TJP1: variants seen among roughly 807,000 people sequenced by gnomAD.
TJP1 encodes tight junction protein 1.
In TJP1, 43 loss-of-function variants were observed where a neutral mutation model predicts 194.2. The ratio of observed to expected loss-of-function variants is 0.22; its 90% confidence interval spans 0.17 to 0.29. The LOEUF is 0.29. TJP1 is among the 10% of genes least tolerant of loss of function. The pLI, the probability that TJP1 is intolerant of heterozygous loss-of-function variation, is 1.00. For synonymous variants in TJP1, 801 were observed against 779.0 expected (o/e 1.03, Z -0.47); for missense variants, 1,971 against 2,185.7 (o/e 0.90, Z 1.96).
chr15:29,813,315 G>T (rs989393024), intron 1 of TJP1, among the ~76,000 whole-genome samples: 1 of 152,144 alleles, frequency 6.6e-6, no homozygotes, highest in African/African-American at 2.4e-5. Flanking sequence ...TTGCTCAGCT[G>T]TTGGTACTCC....
Position 29,726,982 on chromosome 15 carries a change from C to T in TJP1, c.2110G>A (p.Ala704Thr). ...IKQIIDQDKH[A>T]LLDVTPNAVD... ...GCATTTGGTGTTACATCTAATAAAG[C>T]ATGTTTGTCCTAGAAACAGAAAGAA... The change falls in exon 17 of 28, where the codon GCT (alanine) becomes ACT (threonine). Residue 704 changes from alanine (A) to threonine (T), a missense_variant. Ala to Thr is a moderately conservative substitution (Grantham distance 58). Coordinates refer to ENST00000614355, the MANE Select transcript of TJP1 (RefSeq NM_001330239.4). The T allele has an allele frequency of 6.2e-7, 1 of 1,613,426 alleles. No individual in the cohort carries two copies. The highest frequency in any genetic ancestry group is 1.1e-5 in the South Asian group (1 of 90,966).
In TJP1 at chr15:29,717,949, G is replaced by C. The variant is rs577680993; in HGVS notation, c.3974+72C>G. The C allele has an allele frequency of 8.4e-6, 11 of 1,316,236 alleles. 1 individual carries two copies. The highest frequency in any genetic ancestry group is 3.7e-4 in the Middle Eastern group (2 of 5,346). 81.5% of individuals were successfully genotyped at this position (1,316,236 alleles called of 1,614,324 possible). A position where few individuals can be genotyped will look rare whatever the true frequency, so the allele number is the denominator to read the frequency against. On this transcript the variant is annotated intron_variant, in intron 22 of 27. Coordinates refer to ENST00000614355, the MANE Select transcript of TJP1 (RefSeq NM_001330239.4). Reference sequence around the variant, plus strand: ...CCTCTCCTCTACTAACACAGTAAAAGGTTTTCTTATTGACTAAGAGGGTTA... The same window carrying C: ...CCTCTCCTCTACTAACACAGTAAAACGTTTTCTTATTGACTAAGAGGGTTA...
rs940718615 is a variant in TJP1, at chr15:29,747,945, C to T, written c.1011-5164G>A. 1.7e-4 allele frequency among the ~76,000 whole-genome samples: 26 copies of T among 152,188 alleles called. 1 individual carries two copies. Among genetic ancestry groups the T allele is most frequent in the African/African-American group, 6.3e-4 (26 of 41,456 alleles). On this transcript the variant is annotated intron_variant, in intron 8 of 27. Coordinates refer to ENST00000614355, the MANE Select transcript of TJP1 (RefSeq NM_001330239.4). ...CAATTAGCCTTCCAAAACAACATTT[C>T]ACATAAATGGGACTCACACCATTCT... is the stretch of plus-strand genomic sequence containing the variant.
chr15:29,914,589 C>G (rs2152234021), intron 2 of TJP1, among the ~76,000 whole-genome samples: 1 of 152,254 alleles, frequency 6.6e-6, no homozygotes, highest in African/African-American at 2.4e-5. Flanking sequence ...AGGAGCAGCC[C>G]TGTGCAGAAA....
At chr15:29,944,125 C>T (rs189665864) in intron 2 of TJP1, among the ~76,000 whole-genome samples, 13 of 151,648 alleles carry the variant, frequency 8.6e-5, no homozygotes, top group African/African-American at 3.1e-4. Context: ...CAGAGTCTTG[C>T]TCAGTTGCCT....
At chr15:29,753,686 T>C (rs985742679) in intron 8 of TJP1, among the ~76,000 whole-genome samples, 4 of 151,960 alleles carry the variant, frequency 2.6e-5, no homozygotes, top group Non-Finnish European at 4.4e-5. Flanking sequence ...ACTATGCACA[T>C]TGGTCACGGT....
At chr15:29,721,655 G>C (rs2042935200) in intron 18 of TJP1, among the ~76,000 whole-genome samples, 1 of 152,198 alleles carries the variant, frequency 6.6e-6, no homozygotes, top group South Asian at 2.1e-4. Flanking sequence ...GTAATGGGCA[G>C]AGGTTGGAAC....
intron 16 of TJP1, among the ~76,000 whole-genome samples, chr15:29,727,365 CCAAAACAAAA>C (rs924328910): frequency 6.6e-6 from 1 of 151,974 alleles, no homozygotes; most frequent in Non-Finnish European, 1.5e-5. Context: ...CAAATACAAA[CCAAAACAAAA>C]CAAAACACCC....
chr15:29,739,946 A>C (rs1375048476), intron 10 of TJP1, among the ~76,000 whole-genome samples: 1 of 151,820 alleles, frequency 6.6e-6, no homozygotes, highest in African/African-American at 2.4e-5. Flanking sequence ...ACTTCTATCT[A>C]CCTAGCTGGG....
intron 8 of TJP1, chr15:29,759,142 C>T (rs889962202): frequency 2.0e-5 from 3 of 152,174 alleles, no homozygotes; most frequent in African/African-American, 4.8e-5. Context: ...ACTTCTCCCT[C>T]GCCTCTTCAC....
At chr15:29,794,520 C>T (rs1207965519) in intron 2 of TJP1, among the ~76,000 whole-genome samples, 1 of 152,140 alleles carries the variant, frequency 6.6e-6, no homozygotes, top group African/African-American at 2.4e-5. Flanking sequence ...TATGACACTT[C>T]TAACAAGGTC....
chr15:29,772,174 G>A lies in TJP1; in HGVS notation c.210-8C>T. 1 of 1,544,820 alleles carries A rather than the reference G, an allele frequency of 6.5e-7. No homozygotes were observed. Among genetic ancestry groups the A allele is most frequent in the Non-Finnish European group, 8.9e-7 (1 of 1,129,762 alleles). ...GCAACTCGGTCATTTTCCCTAAGGG[G>A]AAAAGGGCACAAAATAATATGTTAG... On this transcript the variant is annotated splice_polypyrimidine_tract_variant and splice_region_variant and intron_variant, in intron 3 of 27. Coordinates refer to ENST00000614355, the MANE Select transcript of TJP1 (RefSeq NM_001330239.4).
intron 2 of TJP1, among the ~76,000 whole-genome samples, chr15:29,874,103 A>T (rs1257277368): frequency 1.3e-5 from 2 of 152,144 alleles, no homozygotes; most frequent in African/African-American, 4.8e-5. Context: ...TATTCCATGT[A>T]CTTTTTCAGG....
chr15:29,822,405 A>C lies in TJP1; in HGVS notation c.-377T>G. On this transcript the variant is annotated 5_prime_UTR_variant, in exon 1 of 28. Transcript: ENST00000614355. ...GGCTTCGCCACGTAACTTCCCGGGA[A>C]CCGGCGGCCGCCAAGGAACGCGGCG... 1 of 994,618 alleles carries C rather than the reference A, an allele frequency of 1.0e-6. No individual in the cohort carries two copies. The highest frequency in any genetic ancestry group is 1.2e-6 in the Non-Finnish European group (1 of 836,182). 61.6% of individuals were successfully genotyped at this position (994,618 alleles called of 1,614,324 possible). A position where few individuals can be genotyped will look rare whatever the true frequency, so the allele number is the denominator to read the frequency against.
At chr15:29,886,183 T>G (rs1251339115) in intron 2 of TJP1, among the ~76,000 whole-genome samples, 1 of 152,222 alleles carries the variant, frequency 6.6e-6, no homozygotes, top group South Asian at 2.1e-4. Flanking sequence ...AACCACATTA[T>G]ATCAAAACAT....
intron 2 of TJP1, among the ~76,000 whole-genome samples, chr15:29,787,799 A>T (rs1381697054): frequency 6.6e-6 from 1 of 152,236 alleles, no homozygotes; most frequent in African/African-American, 2.4e-5. Flanking sequence ...ACTCATGTGT[A>T]ACTTATTATG....
At chr15:29,780,135 G>A (rs139838685) in intron 2 of TJP1, among the ~76,000 whole-genome samples, 3 of 152,250 alleles carry the variant, frequency 2.0e-5, no homozygotes, top group Admixed American at 1.3e-4. Flanking sequence ...ACCGGCAGGT[G>A]GAGGGGATGG....
At chr15:29,699,538 T>C (rs975846514), downstream of TJP1, 2 of 152,224 alleles carry the variant, frequency 1.3e-5, no homozygotes, top group Admixed American at 6.5e-5. Flanking sequence ...TATGTGTTTG[T>C]CAAAATTTGA....
chr15:29,769,627 C>T (rs940607770), intron 4 of TJP1, among the ~76,000 whole-genome samples: 14 of 152,086 alleles, frequency 9.2e-5, no homozygotes, highest in Non-Finnish European at 2.1e-4. Flanking sequence ...TGTAAAACAA[C>T]GGACAGCACG....
Sources: gnomAD v4.1 joint callset for allele counts (sites outside exome capture counted in the v4.1 genomes callset) on GRCh38, gnomAD v4.1.1 for gene constraint, MANE v1.5 for transcripts, NCBI Gene and HGNC (gene_info 2026-07-23, HGNC 2026-07-21) for gene names.